SMIM35: variants seen among roughly 807,000 people sequenced by gnomAD.
SMIM35 encodes small integral membrane protein 35.
At chr11:118,068,389 C>T (rs372898421) in intron 1 of SMIM35, among the ~76,000 whole-genome samples, 15 of 152,268 alleles carry the variant, frequency 9.9e-5, no homozygotes, top group African/African-American at 2.4e-4. Flanking sequence ...GATGACAGCA[C>T]GATCTCTGTG....
intron 1 of SMIM35, among the ~76,000 whole-genome samples, chr11:118,016,936 C>T (rs1275910242): frequency 3.3e-5 from 5 of 152,138 alleles, no homozygotes; most frequent in South Asian, 2.1e-4. Flanking sequence ...CCATTAAAAA[C>T]GGTATGCCCA....
At chr11:118,054,156 A>ATTTTTTTTTTTTTTTTTTTTT (rs1345936190) in intron 1 of SMIM35, among the ~76,000 whole-genome samples, 1 of 108,230 alleles carries the variant, frequency 9.2e-6, no homozygotes, top group Non-Finnish European at 2.0e-5. Context: ...GGTTTTTGGG[A>ATTTTTTTTTTTTTTTTTTTTT]TTTTTTTGTT....
intron 1 of SMIM35, among the ~76,000 whole-genome samples, chr11:118,083,137 GA>G (rs1363629918): frequency 6.6e-6 from 1 of 152,168 alleles, no homozygotes; most frequent in Admixed American, 6.5e-5. Context: ...GTCTGCCACA[GA>G]AACCTTCACA....
intron 1 of SMIM35, chr11:118,029,999 G>A (rs1301171376): frequency 2.9e-6 from 1 of 343,354 alleles, no homozygotes; most frequent in Non-Finnish European, 5.7e-6. Flanking sequence ...TATCCATGCA[G>A]AAATATGAAA....
chr11:118,037,494 G>A (rs1294108033), intron 1 of SMIM35, among the ~76,000 whole-genome samples: 3 of 152,158 alleles, frequency 2.0e-5, no homozygotes, highest in African/African-American at 4.8e-5. Flanking sequence ...CCTGCTCTAC[G>A]TTGTATGCGA....
rs537393176 is a variant in SMIM35 at position 118,037,605 on chromosome 11, C to G, written c.8-21796G>C. On this transcript the variant is annotated intron_variant, in intron 1 of 4. Coordinates refer to ENST00000689828, the MANE Select transcript of SMIM35 (RefSeq NM_001394165.1). ...GATAAACAAGTTCCCCCTCTTTCGG[C>G]GGTTAGCAAGTTTAAAGCTCTTCGA... 2.6e-4 allele frequency among the ~76,000 whole-genome samples: 39 copies of G among 152,280 alleles called. No individual in the cohort carries two copies. In the South Asian group the frequency reaches 7.0e-3, roughly 28 times the overall value.
intron 4 of SMIM35, among the ~76,000 whole-genome samples, chr11:118,007,478 C>A (rs1180798894): frequency 6.6e-6 from 1 of 152,080 alleles, no homozygotes; most frequent in Non-Finnish European, 1.5e-5. Flanking sequence ...TCACTGCAAC[C>A]TCTGCCTCCT....
intron 1 of SMIM35, among the ~76,000 whole-genome samples, chr11:118,054,959 A>G (rs1944287503): frequency 6.6e-6 from 1 of 152,000 alleles, no homozygotes; most frequent in Admixed American, 6.6e-5. Context: ...GCGCGCCACC[A>G]TGCCTGGCTA....
chr11:118,081,751 G>GCATTCATTCATTCATT (rs112018141), intron 1 of SMIM35, among the ~76,000 whole-genome samples: 454 of 152,140 alleles, frequency 3.0e-3, no homozygotes, highest in South Asian at 6.2e-3. Flanking sequence ...AAATCTGTAT[G>GCATTCATTCATTCATT]CATTCATTCA....
chr11:118,085,309 C>T (rs1195617562), intron 1 of SMIM35, among the ~76,000 whole-genome samples: 4 of 151,616 alleles, frequency 2.6e-5, no homozygotes, highest in Non-Finnish European at 2.9e-5. Context: ...CTGCAACCTC[C>T]GCCTCCCAGG....
At chr11:118,013,068 G>A (rs372413557) in intron 4 of SMIM35, among the ~76,000 whole-genome samples, 8 of 152,210 alleles carry the variant, frequency 5.3e-5, no homozygotes, top group Admixed American at 4.6e-4. Flanking sequence ...AGAGAAAGCC[G>A]CTGCTGCCCA....
intron 1 of SMIM35, among the ~76,000 whole-genome samples, chr11:118,032,309 A>G (rs1046180852): frequency 2.0e-5 from 3 of 152,206 alleles, no homozygotes; most frequent in Non-Finnish European, 2.9e-5. Flanking sequence ...GATTTTGATC[A>G]CTGTGTCATG....
chr11:118,033,654 G>A (rs368866160), intron 1 of SMIM35, among the ~76,000 whole-genome samples: 34 of 152,260 alleles, frequency 2.2e-4, no homozygotes, highest in East Asian at 1.4e-3. Flanking sequence ...TCCTGATACC[G>A]AAAGAAAAGT....
At chr11:118,025,406 C>A in intron 1 of SMIM35, 1 of 407,140 alleles carries the variant, frequency 2.5e-6, no homozygotes, top group South Asian at 1.8e-5. Flanking sequence ...ACATTTCGAC[C>A]AACAGTGTGT....
chr11:118,071,781 G>A (rs949176988), intron 1 of SMIM35, among the ~76,000 whole-genome samples: 19 of 152,280 alleles, frequency 1.2e-4, no homozygotes, highest in African/African-American at 2.9e-4. Context: ...CTGAGTGTGG[G>A]AAGAGACCTA....
At chr11:118,007,309 C>G (rs2058126916) in intron 4 of SMIM35, among the ~76,000 whole-genome samples, 1 of 152,218 alleles carries the variant, frequency 6.6e-6, no homozygotes, top group African/African-American at 2.4e-5. Context: ...CCAATGGCAG[C>G]CTTATACAAA....
At chr11:118,056,702 C>A (rs1944315310) in intron 1 of SMIM35, among the ~76,000 whole-genome samples, 1 of 152,098 alleles carries the variant, frequency 6.6e-6, no homozygotes, top group African/African-American at 2.4e-5. Flanking sequence ...TCGGGAACAC[C>A]AACATACAAA....
chr11:118,022,556 T>A (rs1041657720), intron 1 of SMIM35, among the ~76,000 whole-genome samples: 4 of 152,102 alleles, frequency 2.6e-5, no homozygotes, highest in Non-Finnish European at 5.9e-5. Context: ...AATACTTAGA[T>A]CTGAATGATA....
intron 1 of SMIM35, among the ~76,000 whole-genome samples, chr11:118,076,769 T>C (rs992280686): frequency 6.6e-6 from 1 of 152,010 alleles, no homozygotes; most frequent in Non-Finnish European, 1.5e-5. Context: ...CCACTCCAAC[T>C]TCCCACAACC....
Sources: gnomAD v4.1 joint callset for allele counts (sites outside exome capture counted in the v4.1 genomes callset) on GRCh38, gnomAD v4.1.1 for gene constraint, MANE v1.5 for transcripts, NCBI Gene and HGNC (gene_info 2026-07-23, HGNC 2026-07-21) for gene names.